Variants in SAMTOR observed in about 807,000 individuals in gnomAD.
SAMTOR encodes UPF0532 protein C7orf60.
At chr7:112,914,627 T>C in the SAMTOR span, among the ~76,000 whole-genome samples, 1 of 152,176 alleles carries the variant, frequency 6.6e-6, no homozygotes, top group African/African-American at 2.4e-5. Flanking sequence ...TAAGATGTTT[T>C]AAGACTTTAT....
chr7:112,900,137 A>T, the SAMTOR span, among the ~76,000 whole-genome samples: 34 of 152,112 alleles, frequency 2.2e-4, no homozygotes, highest in Non-Finnish European at 4.0e-4. Context: ...TATATATATA[A>T]ACAGATATCT....
At chr7:112,918,985 A>C in the SAMTOR span, among the ~76,000 whole-genome samples, 1 of 152,204 alleles carries the variant, frequency 6.6e-6, no homozygotes, top group Non-Finnish European at 1.5e-5. Context: ...TTAGACTCCC[A>C]CACAATAATA....
the SAMTOR span, among the ~76,000 whole-genome samples, chr7:112,894,594 T>A: frequency 6.6e-6 from 1 of 152,092 alleles, no homozygotes; most frequent in Non-Finnish European, 1.5e-5. Context: ...ACTTACATGG[T>A]GGCAGGCAAG....
the SAMTOR span, among the ~76,000 whole-genome samples, chr7:112,936,600 CAACTT>C: frequency 6.6e-6 from 1 of 152,138 alleles, no homozygotes; most frequent in African/African-American, 2.4e-5. Flanking sequence ...AAGAACAACA[CAACTT>C]ATTTTCATTG....
chr7:112,871,820 T>A, the SAMTOR span, among the ~76,000 whole-genome samples: 1 of 152,100 alleles, frequency 6.6e-6, no homozygotes, highest in Non-Finnish European at 1.5e-5. Context: ...CAAGGTGACA[T>A]GATACCAATC....
the SAMTOR span, among the ~76,000 whole-genome samples, chr7:112,845,581 A>G: frequency 2.0e-5 from 3 of 152,258 alleles, no homozygotes; most frequent in East Asian, 1.9e-4. Flanking sequence ...TAAAAAGTCA[A>G]TAACAGATGC....
chr7:112,930,359 G>A, the SAMTOR span, among the ~76,000 whole-genome samples: 1 of 152,170 alleles, frequency 6.6e-6, no homozygotes, highest in African/African-American at 2.4e-5. Context: ...GTAATTAAGA[G>A]CCAAAAAGTA....
At chr7:112,899,789 G>GAA in the SAMTOR span, among the ~76,000 whole-genome samples, 15 of 113,374 alleles carry the variant, frequency 1.3e-4, no homozygotes, top group Admixed American at 2.7e-4. Context: ...TGTGCTGAAG[G>GAA]AAAAAAAAAA....
chr7:112,917,875 A>G, the SAMTOR span, among the ~76,000 whole-genome samples: 2 of 152,184 alleles, frequency 1.3e-5, no homozygotes, highest in African/African-American at 2.4e-5. Context: ...GAATGAAATG[A>G]AGCGAGAAGG....
the SAMTOR span, among the ~76,000 whole-genome samples, chr7:112,913,538 T>C: frequency 1.2e-4 from 19 of 152,256 alleles, no homozygotes; most frequent in African/African-American, 4.6e-4. Flanking sequence ...TAAGAATTCT[T>C]GACATCTTGC....
the SAMTOR span, among the ~76,000 whole-genome samples, chr7:112,917,417 G>C: frequency 1.3e-5 from 2 of 152,148 alleles, no homozygotes; most frequent in Admixed American, 6.5e-5. Context: ...CTAACAAACA[G>C]AAAGGACATC....
At chr7:112,832,719 G>C in the SAMTOR span, 2 of 1,215,994 alleles carry the variant, frequency 1.6e-6, no homozygotes, top group Admixed American at 3.7e-5. Context: ...ATATGAGAAT[G>C]TAAGAAATCA....
At chr7:112,852,933 C>T in the SAMTOR span, among the ~76,000 whole-genome samples, 4,051 of 152,050 alleles carry the variant, frequency 0.027, 62 homozygotes, top group Middle Eastern at 0.044. Context: ...GAGACTCTGT[C>T]ACCGAGAAGC....
chr7:112,859,456 T>C, the SAMTOR span, among the ~76,000 whole-genome samples: 1 of 152,230 alleles, frequency 6.6e-6, no homozygotes, highest in African/African-American at 2.4e-5. Context: ...TAATACCTGA[T>C]ACTGATAATA....
At chr7:112,927,438 A>T in the SAMTOR span, among the ~76,000 whole-genome samples, 13 of 152,082 alleles carry the variant, frequency 8.5e-5, no homozygotes, top group African/African-American at 3.1e-4. Flanking sequence ...GTTCTATCAG[A>T]ACTCTCAATG....
At chr7:112,893,787 AG>A in the SAMTOR span, among the ~76,000 whole-genome samples, 1 of 152,210 alleles carries the variant, frequency 6.6e-6, no homozygotes, top group Non-Finnish European at 1.5e-5. Context: ...CTGTAGTCCC[AG>A]CTACTCAGGA....
At chr7:112,851,894 T>C in the SAMTOR span, among the ~76,000 whole-genome samples, 1 of 152,046 alleles carries the variant, frequency 6.6e-6, no homozygotes, top group African/African-American at 2.4e-5. Context: ...AACAAATATA[T>C]GAAAAAATGT....
At chr7:112,863,119 G>A in the SAMTOR span, among the ~76,000 whole-genome samples, 11 of 152,108 alleles carry the variant, frequency 7.2e-5, no homozygotes, top group Admixed American at 3.3e-4. Flanking sequence ...AGAGAATCCC[G>A]AAATAAGATC....
At chr7:112,828,149 A>G in the SAMTOR span, among the ~76,000 whole-genome samples, 1 of 152,212 alleles carries the variant, frequency 6.6e-6, no homozygotes, top group Non-Finnish European at 1.5e-5. Flanking sequence ...TATCTATATT[A>G]AAAACCCCAC....
Sources: allele counts gnomAD v4.1 joint callset (sites outside exome capture counted in the v4.1 genomes callset), GRCh38; gene constraint gnomAD v4.1.1; transcripts MANE v1.5; gene names NCBI Gene and HGNC (gene_info 2026-07-23, HGNC 2026-07-21).